Variants in RPS6KA2 observed in about 807,000 individuals in gnomAD.
The protein encoded by RPS6KA2 is ribosomal protein S6 kinase A2, also known as ribosomal protein S6 kinase alpha-2.
In RPS6KA2, 42 loss-of-function variants were observed where a neutral mutation model predicts 91.8. The observed-to-expected ratio is 0.46, with a 90% confidence interval of 0.36 to 0.59. The LOEUF is 0.59. RPS6KA2 is among the 20% of genes least tolerant of loss of function. The pLI, the probability that RPS6KA2 is intolerant of heterozygous loss-of-function variation, is 0.00. For synonymous variants in RPS6KA2, 414 were observed against 393.6 expected, an observed-to-expected ratio of 1.05 and a Z score of -0.61; for missense variants, 798 against 978.5, an observed-to-expected ratio of 0.82 and a Z score of 2.46.
chr6:166,553,322 C>A (rs866743080), intron 1 of RPS6KA2, among the ~76,000 whole-genome samples: 1 of 152,066 alleles, frequency 6.6e-6, no homozygotes, highest in Non-Finnish European at 1.5e-5. Flanking sequence ...GGTGGTCTCA[C>A]TATGTTGCCC....
intron 2 of RPS6KA2, among the ~76,000 whole-genome samples, chr6:166,789,446 G>A (rs926583570): frequency 5.3e-5 from 8 of 152,246 alleles, no homozygotes; most frequent in Non-Finnish European, 1.5e-5. Flanking sequence ...GCAGGGCACA[G>A]ACAAACAAAA....
chr6:166,488,951 AT>A, intron 9 of RPS6KA2, 30 bp from the exon 10 acceptor site: 1 of 1,562,904 alleles, frequency 6.4e-7, no homozygotes, highest in Non-Finnish European at 8.8e-7. Context: ...TTTAGGATCT[AT>A]TTTAGGAGAA....
In RPS6KA2 at chr6:166,508,358, G is replaced by T; in HGVS notation, c.380-76C>A. 1.1e-6 allele frequency: 1 copy of T among 941,698 alleles called. No homozygotes were observed. The allele number at this position is 941,698 out of a possible 1,614,324, so 58.3% of individuals were successfully genotyped here. ...CAACATCGCTCTCTGGCTTCTCCCT[G>T]CTCACGGTGCTGCTTACTCCGGGAG... On this transcript the variant is annotated intron_variant, in intron 4 of 20. Transcript: ENST00000265678. The surrounding 1 kb of genome is among the most constrained non-coding windows in gnomAD (Gnocchi z 4.3).
chr6:166,416,570 A>G (rs895025195), intron 19 of RPS6KA2, among the ~76,000 whole-genome samples: 10 of 149,868 alleles, frequency 6.7e-5, no homozygotes, highest in African/African-American at 2.5e-4. Context: ...CTCCAAAATG[A>G]TCACCTCCAC....
upstream of RPS6KA2, among the ~76,000 whole-genome samples, chr6:166,630,158 G>C (rs1024740844): frequency 6.6e-6 from 1 of 152,180 alleles, no homozygotes; most frequent in African/African-American, 2.4e-5. Context: ...GAATAACAGG[G>C]CACTGTCAGG....
chr6:166,480,035 T>A (rs1021362261), intron 10 of RPS6KA2, among the ~76,000 whole-genome samples: 2 of 152,140 alleles, frequency 1.3e-5, no homozygotes, highest in South Asian at 4.1e-4. Flanking sequence ...AGCTTCCATA[T>A]CTCTCTGTGC....
At chr6:166,592,535 A>G (rs910103198) in intron 1 of RPS6KA2, among the ~76,000 whole-genome samples, 1 of 152,104 alleles carries the variant, frequency 6.6e-6, no homozygotes, top group Non-Finnish European at 1.5e-5. Flanking sequence ...AGTGTTGGTG[A>G]CCATTCTGCT....
intron 1 of RPS6KA2, among the ~76,000 whole-genome samples, chr6:166,604,392 G>GAA (rs560497827): frequency 2.7e-5 from 4 of 146,396 alleles, no homozygotes; most frequent in Non-Finnish European, 6.0e-5. Context: ...GTGGAAAACT[G>GAA]AAAAAAAAAA....
intron 1 of RPS6KA2, among the ~76,000 whole-genome samples, chr6:166,583,071 G>A (rs974653199): frequency 6.6e-6 from 1 of 152,042 alleles, no homozygotes; most frequent in Non-Finnish European, 1.5e-5. Flanking sequence ...GCATATACAC[G>A]ATAATTATTT....
At chr6:166,672,218 G>C (rs566593647) in intron 2 of RPS6KA2, among the ~76,000 whole-genome samples, 1 of 152,150 alleles carries the variant, frequency 6.6e-6, no homozygotes, top group Non-Finnish European at 1.5e-5. Context: ...AGGTATGTGG[G>C]GACGGAGAAC....
chr6:166,701,296 A>C (rs1306332153), intron 2 of RPS6KA2: 8 of 1,608,914 alleles, frequency 5.0e-6, no homozygotes, highest in Non-Finnish European at 6.8e-6. Flanking sequence ...CAAATTCTGA[A>C]GTTCATTCAC....
rs190914812 is a variant in RPS6KA2, at chr6:166,453,158, G to A, written c.1076-1925C>T. Reference sequence around the variant, plus strand: ...GGAGGTTGCAGTGAGCCAAGATGGCGTCACTGCACTCCAGCCTGGGCGACA... The same window carrying A: ...GGAGGTTGCAGTGAGCCAAGATGGCATCACTGCACTCCAGCCTGGGCGACA... On this transcript the variant is annotated intron_variant, in intron 12 of 20. Coordinates refer to ENST00000265678, the MANE Select transcript of RPS6KA2 (RefSeq NM_021135.6). Among the ~76,000 whole-genome samples, 627 of 151,638 alleles carry A rather than the reference G, an allele frequency of 4.1e-3. 7 individuals are homozygous for A. Among genetic ancestry groups the A allele is most frequent in the African/African-American group, 0.014 (594 of 41,268 alleles).
intron 14 of RPS6KA2, among the ~76,000 whole-genome samples, chr6:166,438,424 C>T (rs999082660): frequency 6.6e-5 from 10 of 152,266 alleles, no homozygotes; most frequent in Admixed American, 2.0e-4. Flanking sequence ...CGCGTCACTA[C>T]AGTTAACAGC....
At chr6:166,577,584 G>A (rs765408337) in intron 1 of RPS6KA2, among the ~76,000 whole-genome samples, 34 of 152,126 alleles carry the variant, frequency 2.2e-4, no homozygotes, top group Non-Finnish European at 3.8e-4. Context: ...CTTTGTTTTG[G>A]CCAATTTCTC....
chr6:166,644,510 A>G (rs891903075), intron 2 of RPS6KA2, among the ~76,000 whole-genome samples: 4 of 152,212 alleles, frequency 2.6e-5, no homozygotes, highest in African/African-American at 9.6e-5. Context: ...ATCATTTTCC[A>G]GGAGCAACTG....
chr6:166,770,890 G>A lies in RPS6KA2; in HGVS notation c.123+87310C>T, dbSNP rs138600299. The A allele has an allele frequency of 7.5e-3, 12,028 of 1,597,238 alleles. 63 individuals are homozygous for A. Among genetic ancestry groups the A allele is most frequent in the Non-Finnish European group, 8.8e-3 (10,350 of 1,179,560 alleles). ...CTACGGATCCAGCTACCTTTGTCTT[G>A]CAGGCAGCTGAGTCACTTTTGCCCT... On this transcript the variant is annotated intron_variant, in intron 2 of 21. Coordinates refer to the RPS6KA2 transcript ENST00000503859. This position sits in a 1 kb window ranked among gnomAD's most constrained non-coding sequence, Gnocchi z 5.1.
rs570380924 is a variant in RPS6KA2 at position 166,730,227 on chromosome 6, A to C, written c.123+127973T>G. 2.5e-4 allele frequency among the ~76,000 whole-genome samples: 38 copies of C among 152,350 alleles called. 1 individual carries two copies. The highest frequency in any genetic ancestry group is 3.4e-3 in the Middle Eastern group (1 of 292). The stretch of plus-strand genomic sequence containing the variant: ...TTGAATCTTTTGATATCTTTGGCAC[A>C]TTTCTCCAGAACTTTTATCTGGTAA... On this transcript the variant is annotated intron_variant, in intron 2 of 21. Transcript: ENST00000503859.
chr6:166,625,388 G>A (rs1786835489), intron 1 of RPS6KA2, among the ~76,000 whole-genome samples: 1 of 117,684 alleles, frequency 8.5e-6, no homozygotes, highest in South Asian at 2.8e-4. Context: ...CTGCAGCCCA[G>A]CCCTCCTTGC....
intron 1 of RPS6KA2, among the ~76,000 whole-genome samples, chr6:166,590,639 C>A (rs993335044): frequency 4.6e-5 from 7 of 152,224 alleles, no homozygotes; most frequent in African/African-American, 1.7e-4. Context: ...CACGCACGTG[C>A]ATAACTGAAA....
Sources: allele counts gnomAD v4.1 joint callset (sites outside exome capture counted in the v4.1 genomes callset), GRCh38; gene constraint gnomAD v4.1.1; non-coding constraint Gnocchi (gnomAD v3.1); transcripts MANE v1.5; gene names NCBI Gene and HGNC (gene_info 2026-07-23, HGNC 2026-07-21).